The following ACTL6B variants were observed in gnomAD, a reference collection of about 807,000 sequenced individuals.
ACTL6B encodes the protein actin like 6B.
A neutral mutation model predicts 63.3 loss-of-function variants in ACTL6B; 48 were observed. The ratio of observed to expected loss-of-function variants is 0.76; its 90% CI spans 0.60 to 0.96. The LOEUF (loss-of-function observed/expected upper bound fraction) is 0.96, where lower values mean the gene tolerates loss of function less well. Among genes scored for constraint, ACTL6B ranks in the 50% least tolerant of loss-of-function variants. The pLI, the probability that ACTL6B is intolerant of heterozygous loss-of-function variation, is 0.00. For synonymous variants in ACTL6B, 230 were observed against 223.8 expected, an observed-to-expected ratio of 1.03 and a Z score of -0.25; for missense variants, 350 against 572.2, an observed-to-expected ratio of 0.61 and a Z score of 3.96.
Position 100,655,439 on chromosome 7 carries a change from G to A in ACTL6B, c.250C>T (p.Pro84Ser). Residue 84 changes from proline (P) to serine (S), a missense_variant, in exon 3 of 14, where the codon CCC becomes TCC. Around this residue, in one of 3 missense-constraint regions of ACTL6B, gnomAD observed 250 missense variants for 364.7 expected, o/e 0.69. Coordinates refer to ENST00000160382, the MANE Select transcript of ACTL6B (RefSeq NM_016188.5). This position sits in a 1 kb window ranked among gnomAD's most constrained non-coding sequence, Gnocchi z 4.4. ...CCCTTACTCATGCCATTCTTGAGGGGCGACATGACCTCCGCTCCATCCCGA... is the reference window on the plus strand; with the variant it reads ...CCCTTACTCATGCCATTCTTGAGGGACGACATGACCTCCGCTCCATCCCGA... The part of the protein sequence containing the change: ...VPRDGAEVMS[P>S]LKNGMIEDWE... The A allele has an allele frequency of 1.2e-6, 2 of 1,614,022 alleles. No individual in the cohort carries two copies. The highest frequency in any genetic ancestry group is 1.7e-6 in the Non-Finnish European group (2 of 1,179,956).
chr7:100,647,160 A>C lies in ACTL6B; in HGVS notation c.821+63T>G, dbSNP rs1803839621. ...TGCGTGGGCAGCACCAGAGCCCCCC[A>C]GCCCACCCCAAGAGTGCCGGTTCTG... On this transcript the variant is annotated intron_variant, in intron 9 of 13. Coordinates refer to ENST00000160382, the MANE Select transcript of ACTL6B (RefSeq NM_016188.5). This position sits in a 1 kb window ranked among gnomAD's most constrained non-coding sequence, Gnocchi z 4.4. 2.6e-6 allele frequency: 4 copies of C among 1,556,016 alleles called. No homozygotes were observed. The highest frequency in any genetic ancestry group is 2.7e-6 in the Non-Finnish European group (3 of 1,128,898).
rs1189958581 is a variant in ACTL6B, at chr7:100,643,291, T to C, written c.1236A>G (p.Glu412=). The C allele has an allele frequency of 6.2e-7, 1 of 1,613,976 alleles. No individual in the cohort carries two copies. Among genetic ancestry groups the C allele is most frequent in the Middle Eastern group, 1.7e-4 (1 of 6,046 alleles). The change falls in exon 14 of 14, where the codon GAA becomes GAG. Residue 412 remains glutamate (E), a synonymous_variant. Coordinates refer to ENST00000160382, the MANE Select transcript of ACTL6B (RefSeq NM_016188.5). The stretch of plus-strand genomic sequence containing the variant: ...CGCACTGCTTCCCGCCCTCCTCATA[T>C]TCCTGCTTGGAGATCCACATCTGCT... The part of the protein sequence containing the change: ...TFQQMWISKQ[E]YEEGGKQCVE...
Position 100,648,692 on chromosome 7 carries a change from C to T in ACTL6B, c.563-30G>A. The T allele has an allele frequency of 6.2e-7, 1 of 1,613,248 alleles. No individual in the cohort carries two copies. On this transcript the variant is annotated intron_variant, in intron 6 of 13. Transcript: ENST00000160382. The surrounding 1 kb of genome is among the most constrained non-coding windows in gnomAD (Gnocchi z 4.4). ...AAGGAAGGCACTGTCAGGACCTGGT[C>T]CTCCTGGAGCACCCCCACCCCCTGC...
At chr7:100,656,041 G>A (rs1362720496) in intron 1 of ACTL6B, among the ~76,000 whole-genome samples, 162 bp from the exon 2 acceptor site, 1 of 152,266 alleles carries the variant, frequency 6.6e-6, no homozygotes, top group Admixed American at 6.5e-5. Context: ...GACTGGGGGT[G>A]GGGGCATCAC....
intron 5 of ACTL6B, among the ~76,000 whole-genome samples, chr7:100,649,317 T>A (rs964646485): frequency 2.0e-5 from 3 of 151,280 alleles, no homozygotes; most frequent in South Asian, 2.1e-4. Context: ...TTAGTTATTT[T>A]TTTTTTTTTG....
At position 100,655,082 on chromosome 7, in the gene ACTL6B, G is replaced by A. The variant is rs1804012959; in HGVS notation, c.306C>T (p.His102=). The part of the protein sequence containing the change: ...DWECFRAILD[H]TYSKHVKSEP... Reference sequence around the variant, plus strand: ...CAGACTTGACGTGTTTGCTGTAGGTGTGATCCAGGATGGCTCGGAAGCACT... The same window carrying A: ...CAGACTTGACGTGTTTGCTGTAGGTATGATCCAGGATGGCTCGGAAGCACT... Residue 102 remains histidine (H), a synonymous_variant, in exon 4 of 14, where the codon CAC becomes CAT. Transcript: ENST00000160382. This position sits in a 1 kb window ranked among gnomAD's most constrained non-coding sequence, Gnocchi z 4.4. 9 of 1,614,102 alleles carry A rather than the reference G, an allele frequency of 5.6e-6. No individual in the cohort carries two copies. The highest frequency in any genetic ancestry group is 7.6e-6 in the Non-Finnish European group (9 of 1,180,034).
chr7:100,655,333 A>T lies in ACTL6B; in HGVS notation c.268+88T>A, dbSNP rs1804017354. The T allele has an allele frequency of 2.0e-5, 29 of 1,455,908 alleles. No homozygotes were observed. Among genetic ancestry groups the T allele is most frequent in the Non-Finnish European group, 2.6e-5 (28 of 1,069,884 alleles). The allele number at this position is 1,455,908 out of a possible 1,614,324, so 90.2% of individuals were successfully genotyped here. A position where few individuals can be genotyped will look rare whatever the true frequency, so the allele number is the denominator to read the frequency against. On this transcript the variant is annotated intron_variant, in intron 3 of 13. Transcript: ENST00000160382. This position sits in a 1 kb window ranked among gnomAD's most constrained non-coding sequence, Gnocchi z 4.4. The stretch of plus-strand genomic sequence containing the variant: ...GAAGAACCCTGGGGCTGCAAGGAAG[A>T]CTCCGCGGGGAGTGGGGGCTGCTAT...
rs545134426 is a variant in ACTL6B, at chr7:100,647,323, C to T, written c.760-39G>A. ...GGAGGTGGTGAGGGCCTGCCTTCCC[C>T]GTGAGCAGCACCCCCTGCCCCGCTC... is the stretch of plus-strand genomic sequence containing the variant. On this transcript the variant is annotated intron_variant, in intron 8 of 13. Transcript: ENST00000160382. This position sits in a 1 kb window ranked among gnomAD's most constrained non-coding sequence, Gnocchi z 4.4. 57 of 1,611,150 alleles carry T rather than the reference C, an allele frequency of 3.5e-5. No homozygotes were observed. Among genetic ancestry groups the T allele is most frequent in the Non-Finnish European group, 4.6e-5 (54 of 1,178,608 alleles).
rs1170467044 is a variant in ACTL6B at position 100,647,589 on chromosome 7, A to G, written c.670-56T>C. On this transcript the variant is annotated intron_variant, in intron 7 of 13. Coordinates refer to ENST00000160382, the MANE Select transcript of ACTL6B (RefSeq NM_016188.5). The surrounding 1 kb of genome is among the most constrained non-coding windows in gnomAD (Gnocchi z 4.4). ...CCTAGCCCACCTGACCCCCACCCCC[A>G]CCTTCCTGGCACTGTTCCCAGCTCT... 1.5e-6 allele frequency: 2 copies of G among 1,314,828 alleles called. No homozygotes were observed. Among genetic ancestry groups the G allele is most frequent in the East Asian group, 2.3e-5 (1 of 42,904 alleles). 81.4% of individuals were successfully genotyped at this position (1,314,828 alleles called of 1,614,324 possible).
Position 100,647,317 on chromosome 7 carries a change from C to T in ACTL6B, c.760-33G>A, listed in dbSNP as rs745865581. ...CCCAGCGGAGGTGGTGAGGGCCTGC[C>T]TTCCCCGTGAGCAGCACCCCCTGCC... is the stretch of plus-strand genomic sequence containing the variant. On this transcript the variant is annotated intron_variant, in intron 8 of 13. Transcript: ENST00000160382. This position sits in a 1 kb window ranked among gnomAD's most constrained non-coding sequence, Gnocchi z 4.4. 1.9e-6 allele frequency: 3 copies of T among 1,612,336 alleles called. No individual in the cohort carries two copies. The highest frequency in any genetic ancestry group is 2.2e-5 in the South Asian group (2 of 91,054).
intron 13 of ACTL6B, among the ~76,000 whole-genome samples, chr7:100,645,861 A>G (rs1803810819): frequency 6.6e-6 from 1 of 152,092 alleles, no homozygotes; most frequent in Non-Finnish European, 1.5e-5. Flanking sequence ...CGAACTCCTG[A>G]GCTCAAGTGA....
At chr7:100,656,288 G>A (rs924406979) in intron 1 of ACTL6B, 42 bp downstream of exon 1, 19 of 1,377,890 alleles carry the variant, frequency 1.4e-5, no homozygotes, top group Non-Finnish European at 1.7e-5. Flanking sequence ...CGCGGGTTTG[G>A]AACGCAGGGC....
In ACTL6B at chr7:100,650,487, TCACA is replaced by T. The variant is rs1185971256; in HGVS notation, c.370-356_370-353del. ...TATATACTCACATTCACACACAAAC[TCACA>T]CACACACATACACATATATTCACAC... is the stretch of plus-strand genomic sequence containing the variant. On this transcript the variant is annotated intron_variant, in intron 4 of 13. Transcript: ENST00000160382. Among the ~76,000 whole-genome samples the T allele has an allele frequency of 2.5e-4, 38 of 150,398 alleles. No homozygotes were observed. In the South Asian group the frequency reaches 7.6e-3, roughly 30 times the overall value.
At position 100,648,654 on chromosome 7, in the gene ACTL6B, TGAC is replaced by T; in HGVS notation, c.568_570del (p.Val190del). ...ATGAAGTCCCCTGCCAGAGGGGACT[TGAC>T]GATGCCTAGAAGGAAGGCACTGTCA... On this transcript the variant is annotated inframe_deletion, in exon 7 of 14. Transcript: ENST00000160382. This position sits in a 1 kb window ranked among gnomAD's most constrained non-coding sequence, Gnocchi z 4.4. 1.2e-6 allele frequency: 2 copies of T among 1,612,510 alleles called. No homozygotes were observed. Among genetic ancestry groups the T allele is most frequent in the Non-Finnish European group, 1.7e-6 (2 of 1,179,036 alleles).
At chr7:100,656,297 G>C (rs1804038704) in intron 1 of ACTL6B, 33 bp downstream of exon 1, 1 of 1,379,230 alleles carries the variant, frequency 7.3e-7, no homozygotes, top group South Asian at 1.6e-5. Context: ...GGAACGCAGG[G>C]CTGCGGGAGC....
In ACTL6B at chr7:100,655,324, G is replaced by A; in HGVS notation, c.268+97C>T. ...TGGCAGCCAGAAGAACCCTGGGGCT[G>A]CAAGGAAGACTCCGCGGGGAGTGGG... is the stretch of plus-strand genomic sequence containing the variant. On this transcript the variant is annotated intron_variant, in intron 3 of 13. Coordinates refer to ENST00000160382, the MANE Select transcript of ACTL6B (RefSeq NM_016188.5). The surrounding 1 kb of genome is among the most constrained non-coding windows in gnomAD (Gnocchi z 4.4). The A allele has an allele frequency of 7.0e-7, 1 of 1,422,236 alleles. No homozygotes were observed. The allele number at this position is 1,422,236 out of a possible 1,614,324, so 88.1% of individuals were successfully genotyped here. A position where few individuals can be genotyped will look rare whatever the true frequency, so the allele number is the denominator to read the frequency against.
intron 5 of ACTL6B, among the ~76,000 whole-genome samples, 186 bp from the exon 6 acceptor site, chr7:100,649,009 T>G (rs1410558460): frequency 6.6e-6 from 1 of 151,804 alleles, no homozygotes; most frequent in Non-Finnish European, 1.5e-5. Flanking sequence ...TTTTTTTTTT[T>G]TTTGAGATGG....
rs1804016894 is a variant in ACTL6B, at chr7:100,655,305, C to A, written c.268+116G>T. 2 of 1,346,410 alleles carry A rather than the reference C, an allele frequency of 1.5e-6. No homozygotes were observed. The highest frequency in any genetic ancestry group is 2.9e-5 in the African/African-American group (2 of 68,996). The allele number at this position is 1,346,410 out of a possible 1,614,324, so 83.4% of individuals were successfully genotyped here. On this transcript the variant is annotated intron_variant, in intron 3 of 13. Transcript: ENST00000160382. The surrounding 1 kb of genome is among the most constrained non-coding windows in gnomAD (Gnocchi z 4.4). ...AACCCAGCGAGAAGAACCCTGGCAGCCAGAAGAACCCTGGGGCTGCAAGGA... is the reference window on the plus strand; with the variant it reads ...AACCCAGCGAGAAGAACCCTGGCAGACAGAAGAACCCTGGGGCTGCAAGGA...
chr7:100,655,068 T>C lies in ACTL6B; in HGVS notation c.320A>G (p.His107Arg). The stretch of plus-strand genomic sequence containing the variant: ...GTGCAGGTTTGGCTCAGACTTGACG[T>C]GTTTGCTGTAGGTGTGATCCAGGAT... ...RAILDHTYSK[H>R]VKSEPNLHPV... is the part of the protein sequence containing the mutation. The change falls in exon 4 of 14, where the codon CAC (histidine) becomes CGC (arginine). Residue 107 changes from histidine to arginine, a missense_variant. By Grantham distance (29) the His-to-Arg change is conservative. Transcript: ENST00000160382. The surrounding 1 kb of genome is among the most constrained non-coding windows in gnomAD (Gnocchi z 4.4). 1 of 1,613,954 alleles carries C rather than the reference T, an allele frequency of 6.2e-7. No individual in the cohort carries two copies. The highest frequency in any genetic ancestry group is 8.5e-7 in the Non-Finnish European group (1 of 1,179,990).
Sources: allele counts gnomAD v4.1 joint callset (sites outside exome capture counted in the v4.1 genomes callset), GRCh38; gene constraint gnomAD v4.1.1; regional missense constraint gnomAD v4.1.1; non-coding constraint Gnocchi (gnomAD v3.1); transcripts MANE v1.5; gene names NCBI Gene and HGNC (gene_info 2026-07-23, HGNC 2026-07-21).